Variants in MMP26 observed in about 807,000 individuals in gnomAD.
The protein encoded by MMP26 is matrix metallopeptidase 26.
A neutral mutation model predicts 31.0 loss-of-function variants in MMP26; 33 were observed. That is an observed-to-expected ratio of 1.06 (90% CI 0.81 to 1.42). The LOEUF is 1.42. Ranked by LOEUF, MMP26 falls within the 40% of genes most tolerant of loss-of-function variation. The pLI, the probability that MMP26 is intolerant of heterozygous loss-of-function variation, is 0.00. For missense variants in MMP26, 347 were observed against 316.1 expected (o/e 1.10, Z -0.74); for synonymous variants, 122 against 114.9 (o/e 1.06, Z -0.40).
intron 2 of MMP26, chr11:4,769,563 C>A (rs1348736696): frequency 1.1e-5 from 17 of 1,613,076 alleles, no homozygotes; most frequent in Non-Finnish European, 1.4e-5. Context: ...AAGGCTGTAG[C>A]CACCAGCACT....
chr11:4,737,846 A>T (rs1056095944), intron 1 of MMP26, among the ~76,000 whole-genome samples: 1 of 152,208 alleles, frequency 6.6e-6, no homozygotes, highest in African/African-American at 2.4e-5. Context: ...TTATTTAAGA[A>T]AAATATACAT....
Position 4,806,624 on chromosome 11 carries a change from G to A in MMP26, c.-145+39283G>A, listed in dbSNP as rs985689168. Among the ~76,000 whole-genome samples, 19 of 152,150 alleles carry A rather than the reference G, an allele frequency of 1.2e-4. 1 individual carries two copies. Among genetic ancestry groups the A allele is most frequent in the African/African-American group, 3.6e-4 (15 of 41,514 alleles). ...TTTGAGCCTATGTGTGTCTCTGCAC[G>A]TGAGATGGGTCTCCTGAATACAGCA... is the stretch of plus-strand genomic sequence containing the variant. On this transcript the variant is annotated intron_variant, in intron 2 of 7. Coordinates refer to ENST00000380390, the MANE Select transcript of MMP26 (RefSeq NM_021801.5).
intron 2 of MMP26, among the ~76,000 whole-genome samples, chr11:4,921,381 A>G (rs1390814875): frequency 6.6e-6 from 1 of 152,236 alleles, no homozygotes; most frequent in East Asian, 1.9e-4. Flanking sequence ...TGGATAAAAT[A>G]CAATAAAACA....
chr11:4,923,253 T>C (rs1851209860), intron 2 of MMP26: 2 of 950,468 alleles, frequency 2.1e-6, no homozygotes, highest in Admixed American at 5.4e-5. Context: ...CACTGCCTTA[T>C]GTTGCACAGC....
chr11:4,940,761 T>C (rs1411671369), intron 2 of MMP26, among the ~76,000 whole-genome samples: 1 of 152,160 alleles, frequency 6.6e-6, no homozygotes, highest in Non-Finnish European at 1.5e-5. Flanking sequence ...TGATCAGAAG[T>C]TGGGGGTCAT....
chr11:4,780,897 C>G (rs545337742), intron 2 of MMP26, among the ~76,000 whole-genome samples: 142 of 151,296 alleles, frequency 9.4e-4, no homozygotes, highest in African/African-American at 2.9e-3. Context: ...AAATATGTAT[C>G]TGTAGATATG....
intron 1 of MMP26, chr11:4,724,094 C>T (rs552446202): frequency 3.1e-5 from 20 of 638,472 alleles, no homozygotes; most frequent in Admixed American, 1.5e-4. Flanking sequence ...CAGGTCCACT[C>T]GTGTAGGAGC....
At chr11:4,914,730 A>T (rs1450308752) in intron 2 of MMP26, 1 of 1,608,444 alleles carries the variant, frequency 6.2e-7, no homozygotes, top group African/African-American at 1.3e-5. Context: ...TAGTAACAAA[A>T]GGCATGCGTC....
intron 2 of MMP26, among the ~76,000 whole-genome samples, chr11:4,942,609 A>G (rs1326423084): frequency 6.6e-6 from 1 of 152,150 alleles, no homozygotes; most frequent in Non-Finnish European, 1.5e-5. Context: ...ATTTTATTGA[A>G]CTATTTTTGC....
At chr11:4,923,946 G>A in intron 2 of MMP26, 3 of 1,614,190 alleles carry the variant, frequency 1.9e-6, no homozygotes, top group East Asian at 2.2e-5. Context: ...GAGTCATGCA[G>A]TGGGTTGCAG....
At chr11:4,843,589 TG>T (rs1264105859) in intron 2 of MMP26, among the ~76,000 whole-genome samples, 2 of 152,248 alleles carry the variant, frequency 1.3e-5, no homozygotes, top group African/African-American at 4.8e-5. Context: ...AATGGGGCCC[TG>T]GGCCTGGCTC....
At chr11:4,808,684 A>G (rs1849310203) in intron 2 of MMP26, among the ~76,000 whole-genome samples, 1 of 151,376 alleles carries the variant, frequency 6.6e-6, no homozygotes, top group Admixed American at 6.6e-5. Flanking sequence ...CACAGGGCAG[A>G]GCTTCCCCAT....
At chr11:4,915,750 T>A in intron 2 of MMP26, 1 of 823,456 alleles carries the variant, frequency 1.2e-6, no homozygotes. Flanking sequence ...CTGGTGGAAA[T>A]TAAAGAAAAA....
chr11:4,768,865 G>T, intron 2 of MMP26: 3 of 539,338 alleles, frequency 5.6e-6, no homozygotes, highest in Admixed American at 3.4e-5. Context: ...TATTTGTTTG[G>T]TGAATGAAAA....
rs1846933862 is a variant in MMP26, at chr11:4,988,218, C to T, written c.7C>T (p.Leu3Phe). The part of the protein sequence containing the change: MQ[L>F]VILRVTIFLP... ...GGACAAATGAGGGTTTGGCATGCAG[C>T]TCGTCATCTTAAGAGTTACTATCTT... Residue 3 changes from leucine (L) to phenylalanine (F), a missense_variant, in exon 3 of 8, where the codon CTC (leucine) becomes TTC (phenylalanine). Transcript: ENST00000380390. 1.2e-6 allele frequency: 2 copies of T among 1,613,918 alleles called. No individual in the cohort carries two copies. Among genetic ancestry groups the T allele is most frequent in the African/African-American group, 2.7e-5 (2 of 74,888 alleles).
chr11:4,816,114 A>AT (rs934198974), intron 2 of MMP26, among the ~76,000 whole-genome samples: 9 of 151,940 alleles, frequency 5.9e-5, no homozygotes, highest in African/African-American at 2.2e-4. Context: ...TTCTCTGTTG[A>AT]TTTTTTATCA....
At chr11:4,934,782 C>T (rs1851408768) in intron 2 of MMP26, among the ~76,000 whole-genome samples, 1 of 150,018 alleles carries the variant, frequency 6.7e-6, no homozygotes, top group African/African-American at 2.4e-5. Flanking sequence ...CCAGTTTGAG[C>T]TTTCTACATA....
chr11:4,923,437 A>C, intron 2 of MMP26: 1 of 1,600,306 alleles, frequency 6.2e-7, no homozygotes, highest in Non-Finnish European at 8.5e-7. Flanking sequence ...TGCGCTGGCG[A>C]ATTTGCTTGG....
At chr11:4,986,950 T>TCC in intron 2 of MMP26, among the ~76,000 whole-genome samples, 1 of 144,634 alleles carries the variant, frequency 6.9e-6, no homozygotes, top group African/African-American at 2.6e-5. Flanking sequence ...TCTCTCTCTC[T>TCC]CTCTCTCTCC....
Sources: allele counts gnomAD v4.1 joint callset (sites outside exome capture counted in the v4.1 genomes callset), GRCh38; gene constraint gnomAD v4.1.1; transcripts MANE v1.5; gene names NCBI Gene and HGNC (gene_info 2026-07-23, HGNC 2026-07-21).